The following GGT5 variants were observed in gnomAD, a reference collection of about 807,000 sequenced individuals.
GGT5 encodes the protein glutathione hydrolase 5 proenzyme.
GGT5 carries 50 observed loss-of-function variants against 58.1 expected under a neutral mutation model. That is an observed-to-expected ratio of 0.86 (90% CI 0.69 to 1.09). GGT5 has a LOEUF of 1.09. Among genes scored for constraint, GGT5 ranks in the 50% least tolerant of loss-of-function variants. The probability of loss-of-function intolerance (pLI) is 0.00; values close to 1 mark genes in which losing one functional copy is unlikely to be tolerated. For synonymous variants in GGT5, 370 were observed against 346.1 expected (o/e 1.07, Z -0.77); for missense variants, 800 against 789.4 (o/e 1.01, Z -0.16).
At chr22:24,238,855 TTA>T (rs1474982939) in intron 1 of GGT5, among the ~76,000 whole-genome samples, 4 of 11,348 alleles carry the variant, frequency 3.5e-4, no homozygotes, top group Admixed American at 2.0e-3. Context: ...ATTATATATA[TTA>T]TATATATAAT....
At chr22:24,244,491 C>CAT in intron 1 of GGT5, 62 bp downstream of exon 1, 1 of 1,386,772 alleles carries the variant, frequency 7.2e-7, no homozygotes, top group South Asian at 1.2e-5. Flanking sequence ...CACACACACA[C>CAT]GCCTTCTCCA....
At chr22:24,226,312 A>G (rs1332107062) in intron 7 of GGT5, 46 bp from the exon 8 acceptor site, 1 of 1,459,422 alleles carries the variant, frequency 6.9e-7, no homozygotes, top group African/African-American at 1.4e-5. Flanking sequence ...GGCCAGGCAG[A>G]ATCCGCAGAA....
At chr22:24,244,288 T>G in intron 1 of GGT5, 1 of 412,356 alleles carries the variant, frequency 2.4e-6, no homozygotes, top group South Asian at 3.5e-5. Flanking sequence ...CCTGGGCCAG[T>G]GCACGTGCAC....
chr22:24,238,816 TA>T (rs57036234), intron 1 of GGT5, among the ~76,000 whole-genome samples: 10,332 of 17,330 alleles, frequency 0.6, 3,336 homozygotes, highest in Non-Finnish European at 0.65. Flanking sequence ...TAATATATTA[TA>T]TATATATATA....
intron 1 of GGT5, among the ~76,000 whole-genome samples, chr22:24,235,893 C>A (rs1348119581): frequency 2.0e-5 from 3 of 152,156 alleles, no homozygotes; most frequent in African/African-American, 7.2e-5. Context: ...CAGGTCCCTG[C>A]ACCCACCTCG....
At chr22:24,223,679 G>A (rs2047665262) in intron 11 of GGT5, among the ~76,000 whole-genome samples, 1 of 151,878 alleles carries the variant, frequency 6.6e-6, no homozygotes, top group Non-Finnish European at 1.5e-5. Flanking sequence ...GGCTTTGGAA[G>A]GTGGACTTGA....
At chr22:24,225,842 C>T (rs1396613303) in intron 8 of GGT5, among the ~76,000 whole-genome samples, 190 bp from the exon 9 acceptor site, 1 of 152,152 alleles carries the variant, frequency 6.6e-6, no homozygotes, top group African/African-American at 2.4e-5. Flanking sequence ...ATCAGGGCAC[C>T]CTTCTGAGTG....
intron 10 of GGT5, 45 bp downstream of exon 10, chr22:24,225,200 T>C: frequency 1.2e-6 from 2 of 1,601,334 alleles, no homozygotes; most frequent in Non-Finnish European, 1.7e-6. Context: ...TCAGACAGTA[T>C]GCTGCCCAGA....
rs1601444625 is a variant in GGT5 at position 24,244,455 on chromosome 22, C to T, written c.173+98G>A. ...ATACCCAGACACTCACACACACACC[C>T]ACACATACATTCACTCACACACACA... On this transcript the variant is annotated intron_variant, in intron 1 of 11. Coordinates refer to ENST00000327365, the MANE Select transcript of GGT5 (RefSeq NM_004121.5). 1.1e-5 allele frequency: 11 copies of T among 1,037,252 alleles called. No individual in the cohort carries two copies. The East Asian group carries it at 2.6e-4, about 25-fold the overall frequency. 64.3% of individuals were successfully genotyped at this position (1,037,252 alleles called of 1,614,324 possible).
At chr22:24,237,335 A>C (rs998648473) in intron 1 of GGT5, among the ~76,000 whole-genome samples, 2 of 152,100 alleles carry the variant, frequency 1.3e-5, no homozygotes, top group African/African-American at 4.8e-5. Flanking sequence ...TCCAGCTTCA[A>C]ATCATCTCAG....
intron 2 of GGT5, 24 bp downstream of exon 2, chr22:24,233,850 A>T (rs201885196): frequency 3.7e-6 from 6 of 1,606,670 alleles, no homozygotes; most frequent in South Asian, 1.1e-5. Context: ...CATCTTCCCC[A>T]TGGCAGTTCA....
intron 1 of GGT5, among the ~76,000 whole-genome samples, chr22:24,238,542 A>G (rs1041342454): frequency 4.8e-5 from 7 of 146,708 alleles, no homozygotes; most frequent in Admixed American, 1.4e-4. Context: ...CTCAAAAAAA[A>G]AAAATACAAA....
chr22:24,221,331 T>G (rs530455016), intron 11 of GGT5, among the ~76,000 whole-genome samples: 1 of 151,424 alleles, frequency 6.6e-6, no homozygotes, highest in African/African-American at 2.5e-5. Context: ...ATTCTGACCC[T>G]CCCTAAACTG....
intron 3 of GGT5, among the ~76,000 whole-genome samples, chr22:24,233,230 C>A (rs879927485): frequency 1.6e-4 from 24 of 152,234 alleles, no homozygotes; most frequent in Non-Finnish European, 2.8e-4. Context: ...CCCCAGGAGC[C>A]CCACCCTGCC....
chr22:24,231,062 C>T (rs2047922405), intron 6 of GGT5, among the ~76,000 whole-genome samples: 2 of 152,176 alleles, frequency 1.3e-5, no homozygotes. Context: ...GGTGCACGCC[C>T]CTGACAGGCA....
At chr22:24,244,277 T>G (rs1384209066) in intron 1 of GGT5, 33 of 408,728 alleles carry the variant, frequency 8.1e-5, no homozygotes, top group South Asian at 7.6e-4. Flanking sequence ...GGCTCCTGCT[T>G]CCTGGGCCAG....
intron 1 of GGT5, among the ~76,000 whole-genome samples, chr22:24,238,380 A>C (rs1353367193): frequency 6.6e-6 from 1 of 151,472 alleles, no homozygotes; most frequent in Non-Finnish European, 1.5e-5. Flanking sequence ...AAATACAAAA[A>C]AATTAGCAGG....
intron 1 of GGT5, chr22:24,242,789 C>CG (rs2048360548): frequency 6.6e-6 from 1 of 152,224 alleles, no homozygotes; most frequent in Non-Finnish European, 1.5e-5. Flanking sequence ...AGGCCTCTTC[C>CG]TGAGGCCCCC....
At chr22:24,235,870 A>G (rs962339411) in intron 1 of GGT5, among the ~76,000 whole-genome samples, 4 of 152,064 alleles carry the variant, frequency 2.6e-5, no homozygotes, top group African/African-American at 9.7e-5. Context: ...CAAAGCCCCA[A>G]GAGGGAATGG....
Sources: allele counts gnomAD v4.1 joint callset (sites outside exome capture counted in the v4.1 genomes callset), GRCh38; gene constraint gnomAD v4.1.1; transcripts MANE v1.5; gene names NCBI Gene and HGNC (gene_info 2026-07-23, HGNC 2026-07-21).